Variants in TTC7B observed in about 807,000 individuals in gnomAD.
The protein encoded by TTC7B is tetratricopeptide repeat domain 7B.
Under a neutral mutation model 106.8 loss-of-function variants are expected in TTC7B, and 28 were observed. The observed-to-expected ratio is 0.26, with a 90% CI of 0.19 to 0.36. TTC7B has a LOEUF of 0.36. Ranked by LOEUF, TTC7B falls within the 10% of genes least tolerant of loss-of-function variation. TTC7B has a pLI of 1.00. For synonymous variants in TTC7B, 405 were observed against 430.6 expected, an observed-to-expected ratio of 0.94 and a Z score of 0.74; for missense variants, 862 against 1,076.4, an observed-to-expected ratio of 0.80 and a Z score of 2.79.
At chr14:90,721,192 C>T (rs1595316786) in intron 5 of TTC7B, among the ~76,000 whole-genome samples, 1 of 152,032 alleles carries the variant, frequency 6.6e-6, no homozygotes, top group Non-Finnish European at 1.5e-5. Flanking sequence ...AATGACCCAC[C>T]CCATTTTTCT....
At chr14:90,615,904 G>A (rs541634225) in intron 16 of TTC7B, among the ~76,000 whole-genome samples, 26 of 152,196 alleles carry the variant, frequency 1.7e-4, no homozygotes, top group Non-Finnish European at 3.4e-4. Context: ...CACCCCATCC[G>A]CCAGTCCCCA....
chr14:90,686,782 C>T (rs1887267405), intron 7 of TTC7B, among the ~76,000 whole-genome samples: 1 of 152,164 alleles, frequency 6.6e-6, no homozygotes, highest in Non-Finnish European at 1.5e-5. Flanking sequence ...CGCACGTGTG[C>T]ACACACATTT....
chr14:90,644,275 A>ACG (rs1885334971), intron 14 of TTC7B, 67 bp from the exon 15 acceptor site: 1 of 1,258,832 alleles, frequency 7.9e-7, no homozygotes, highest in African/African-American at 1.9e-5. Context: ...ACACACACAC[A>ACG]CACACGCGCG....
chr14:90,735,145 C>T (rs1889469585), intron 4 of TTC7B, among the ~76,000 whole-genome samples: 1 of 152,182 alleles, frequency 6.6e-6, no homozygotes, highest in Non-Finnish European at 1.5e-5. Flanking sequence ...ATGGAAGGCA[C>T]TCAATACATG....
chr14:90,590,541 C>G (rs944538254), intron 18 of TTC7B, among the ~76,000 whole-genome samples: 3 of 152,176 alleles, frequency 2.0e-5, no homozygotes, highest in African/African-American at 7.2e-5. Context: ...CTAAAGCTTA[C>G]AAAACTTATG....
At chr14:90,547,887 T>G (rs1471995134) in intron 19 of TTC7B, among the ~76,000 whole-genome samples, 8 of 152,160 alleles carry the variant, frequency 5.3e-5, no homozygotes, top group African/African-American at 1.9e-4. Flanking sequence ...CACAGACCAC[T>G]GCTTGTCCCT....
In TTC7B at chr14:90,600,258, T is replaced by C. The variant is rs1179486231; in HGVS notation, c.1967-6632A>G. Among the ~76,000 whole-genome samples the C allele has an allele frequency of 1.3e-5, 2 of 152,230 alleles. No homozygotes were observed. Among genetic ancestry groups the C allele is most frequent in the East Asian group, 1.9e-4 (1 of 5,192 alleles). ...GTTAGGACAATTCCCATCTTTGCTGTAGGGTAGTCCTGCTTTCTGAGGAGG... is the reference window on the plus strand; with the variant it reads ...GTTAGGACAATTCCCATCTTTGCTGCAGGGTAGTCCTGCTTTCTGAGGAGG... On this transcript the variant is annotated intron_variant, in intron 17 of 19. Coordinates refer to ENST00000328459, the MANE Select transcript of TTC7B (RefSeq NM_001010854.2). The surrounding 1 kb of genome is among the most constrained non-coding windows in gnomAD (Gnocchi z 4.3).
intron 4 of TTC7B, among the ~76,000 whole-genome samples, chr14:90,734,587 C>T (rs958550709): frequency 2.0e-5 from 3 of 152,024 alleles, no homozygotes; most frequent in South Asian, 2.1e-4. Flanking sequence ...TTGCCATCCT[C>T]GACACTGCTA....
intron 19 of TTC7B, among the ~76,000 whole-genome samples, chr14:90,554,832 A>G (rs748257821): frequency 6.6e-6 from 1 of 152,228 alleles, no homozygotes; most frequent in Non-Finnish European, 1.5e-5. Context: ...GAAGAGAAGG[A>G]GCTGAAACTT....
rs187626119 is a variant in TTC7B, at chr14:90,556,245, G to A, written c.2311-14656C>T. ...TCCCCAGCAATATGTGGGGATGCCAGGCATCCCCCCTACCCTGAAGCCTGG... is the reference window on the plus strand; with the variant it reads ...TCCCCAGCAATATGTGGGGATGCCAAGCATCCCCCCTACCCTGAAGCCTGG... On this transcript the variant is annotated intron_variant, in intron 19 of 19. Coordinates refer to ENST00000328459, the MANE Select transcript of TTC7B (RefSeq NM_001010854.2). 1.1e-3 allele frequency among the ~76,000 whole-genome samples: 170 copies of A among 152,282 alleles called. 1 individual carries two copies. Among genetic ancestry groups the A allele is most frequent in the Non-Finnish European group, 2.0e-3 (138 of 68,006 alleles).
At chr14:90,748,622 C>T (rs985214981) in intron 3 of TTC7B, among the ~76,000 whole-genome samples, 3 of 152,080 alleles carry the variant, frequency 2.0e-5, no homozygotes, top group African/African-American at 7.2e-5. Flanking sequence ...CCACCATGCC[C>T]AGCTCCTACT....
At chr14:90,794,579 G>A (rs1480086072) in intron 1 of TTC7B, among the ~76,000 whole-genome samples, 2 of 152,080 alleles carry the variant, frequency 1.3e-5, no homozygotes. Flanking sequence ...CAGAGAGAAA[G>A]GGGGAACCGT....
Position 90,688,421 on chromosome 14 carries a change from G to A in TTC7B, c.950+1119C>T, listed in dbSNP as rs143622495. ...GGGTGGATCATGAGGTCAGGAGATCGAGACCATACTGGCCAACATGGTAAA... is the reference window on the plus strand; with the variant it reads ...GGGTGGATCATGAGGTCAGGAGATCAAGACCATACTGGCCAACATGGTAAA... On this transcript the variant is annotated intron_variant, in intron 7 of 19. Transcript: ENST00000328459. Among the ~76,000 whole-genome samples, 420 of 152,042 alleles carry A rather than the reference G, an allele frequency of 2.8e-3. 3 individuals are homozygous for A. Among genetic ancestry groups the A allele is most frequent in the Middle Eastern group, 0.014 (4 of 294 alleles).
intron 5 of TTC7B, among the ~76,000 whole-genome samples, chr14:90,723,690 A>C (rs544211350): frequency 1.6e-4 from 24 of 152,128 alleles, no homozygotes; most frequent in Non-Finnish European, 3.1e-4. Flanking sequence ...AGGCCACCCT[A>C]TCTAAGCAGG....
chr14:90,527,075 G>T lies in TTC7B; in HGVS notation c.*14293C>A, dbSNP rs1889165641. The T allele has an allele frequency of 6.6e-6, 1 of 151,968 alleles. No homozygotes were observed. Among genetic ancestry groups the T allele is most frequent in the African/African-American group, 2.4e-5 (1 of 41,358 alleles). The allele number at this position is 151,968 out of a possible 1,614,324, so 9.4% of individuals were successfully genotyped here. A position where few individuals can be genotyped will look rare whatever the true frequency, so the allele number is the denominator to read the frequency against. Reference sequence around the variant, plus strand: ...ATTTTGTAGAAAGTTCATCGGTTTGGGTTTGTCTGATGTTTTCTCATGATT... The same window carrying T: ...ATTTTGTAGAAAGTTCATCGGTTTGTGTTTGTCTGATGTTTTCTCATGATT... On this transcript the variant is annotated 3_prime_UTR_variant, in exon 20 of 20. Coordinates refer to ENST00000328459, the MANE Select transcript of TTC7B (RefSeq NM_001010854.2).
rs1022690990 is a variant in TTC7B at position 90,608,697 on chromosome 14, C to A, written c.1966+2045G>T. On this transcript the variant is annotated intron_variant, in intron 17 of 19. Coordinates refer to ENST00000328459, the MANE Select transcript of TTC7B (RefSeq NM_001010854.2). This position sits in a 1 kb window ranked among gnomAD's most constrained non-coding sequence, Gnocchi z 5.1. ...ACATCTTCCCTAAACACCATGGCAT[C>A]TGAGAAAGCTGAATCTGAAGAGGGA... 6.6e-6 allele frequency among the ~76,000 whole-genome samples: 1 copy of A among 152,180 alleles called. No homozygotes were observed. Among genetic ancestry groups the A allele is most frequent in the African/African-American group, 2.4e-5 (1 of 41,440 alleles).
intron 3 of TTC7B, among the ~76,000 whole-genome samples, chr14:90,766,246 A>C (rs1890676080): frequency 7.4e-6 from 1 of 134,650 alleles, no homozygotes; most frequent in South Asian, 2.2e-4. Flanking sequence ...AACAACATCA[A>C]AAAAAAATCA....
chr14:90,620,122 T>C (rs1893247558), intron 15 of TTC7B, among the ~76,000 whole-genome samples: 1 of 151,916 alleles, frequency 6.6e-6, no homozygotes, highest in East Asian at 2.0e-4. Context: ...GTGCTCCCAG[T>C]GGGGCCACGG....
At chr14:90,705,441 C>T (rs534527373) in intron 5 of TTC7B, among the ~76,000 whole-genome samples, 1 of 152,278 alleles carries the variant, frequency 6.6e-6, no homozygotes, top group African/African-American at 2.4e-5. Context: ...GGGGCTGAGC[C>T]AGGACCTGAT....
Sources: gnomAD v4.1 joint callset for allele counts (sites outside exome capture counted in the v4.1 genomes callset) on GRCh38, gnomAD v4.1.1 for gene constraint, Gnocchi (gnomAD v3.1) non-coding constraint, MANE v1.5 for transcripts, NCBI Gene and HGNC (gene_info 2026-07-23, HGNC 2026-07-21) for gene names.